FOSL2: variants seen among roughly 807,000 people sequenced by gnomAD.
The protein encoded by FOSL2 is fos-related antigen 2.
Under a neutral mutation model 27.7 loss-of-function variants are expected in FOSL2, and 3 were observed. That is an observed-to-expected ratio of 0.11 (90% confidence interval 0.05 to 0.28). The LOEUF (loss-of-function observed/expected upper bound fraction) is 0.28, where lower values mean the gene tolerates loss of function less well. Among genes scored for constraint, FOSL2 ranks in the 10% least tolerant of loss-of-function variants. The pLI is 1.00. For missense variants in FOSL2, 333 were observed against 445.1 expected (o/e 0.75, Z 2.27); for synonymous variants, 179 against 190.1 (o/e 0.94, Z 0.48).
intron 1 of FOSL2, among the ~76,000 whole-genome samples, chr2:28,398,449 A>T (rs978303209): frequency 5.3e-5 from 8 of 152,238 alleles, no homozygotes; most frequent in African/African-American, 1.9e-4. Context: ...CCCATGGAGT[A>T]CAGAGCCGCC....
In FOSL2 at chr2:28,404,256, C is replaced by T; in HGVS notation, c.252C>T (p.Pro84=). The change falls in exon 2 of 4, where the codon CCC becomes CCT. Residue 84 remains proline, a synonymous_variant. Transcript: ENST00000264716. The surrounding 1 kb of genome is among the most constrained non-coding windows in gnomAD (Gnocchi z 4.7). ...NPYPRSHPYS[P]LPGLASVPGH... is the part of the protein sequence containing the mutation. ...ACCCTCGCTCGCACCCCTACAGCCC[C>T]CTGCCGGGCCTGGCCTCTGTCCCTG... is the stretch of plus-strand genomic sequence containing the variant. The T allele has an allele frequency of 6.2e-7, 1 of 1,614,208 alleles. No individual in the cohort carries two copies. Among genetic ancestry groups the T allele is most frequent in the Non-Finnish European group, 8.5e-7 (1 of 1,180,044 alleles).
rs760625918 is a variant in FOSL2 at position 28,408,828 on chromosome 2, C to A, written c.424C>A (p.Arg142=). ...GAACAAGCTGGCTGCAGCCAAGTGC[C>A]GGAACCGACGCCGGGAGCTGACAGA... ...ERNKLAAAKC[R]NRRRELTEKL... is the part of the protein sequence containing the mutation. The change falls in exon 3 of 4, where the codon CGG becomes AGG. Residue 142 remains arginine (R), a synonymous_variant. Coordinates refer to ENST00000264716, the MANE Select transcript of FOSL2 (RefSeq NM_005253.4). The surrounding 1 kb of genome is among the most constrained non-coding windows in gnomAD (Gnocchi z 4.1). 6.2e-7 allele frequency: 1 copy of A among 1,611,444 alleles called. No homozygotes were observed. The highest frequency in any genetic ancestry group is 8.5e-7 in the Non-Finnish European group (1 of 1,178,920).
chr2:28,411,330 C>T (rs1664194200), intron 3 of FOSL2, among the ~76,000 whole-genome samples: 1 of 152,140 alleles, frequency 6.6e-6, no homozygotes, highest in East Asian at 1.9e-4. Context: ...GTTTATCCAT[C>T]CACAGGTGGG....
chr2:28,406,042 CCCTTTTTTT>C (rs1331320187), intron 2 of FOSL2, among the ~76,000 whole-genome samples: 2 of 148,342 alleles, frequency 1.3e-5, no homozygotes, highest in African/African-American at 5.0e-5. Context: ...GCTCTCCATT[CCCTTTTTTT>C]TTTTTTTTTT....
At chr2:28,397,937 C>T (rs2148078810) in intron 1 of FOSL2, among the ~76,000 whole-genome samples, 1 of 152,316 alleles carries the variant, frequency 6.6e-6, no homozygotes, top group African/African-American at 2.4e-5. Context: ...ACATACAAGT[C>T]TGGATGATCA....
Position 28,404,245 on chromosome 2 carries a change from C to T in FOSL2, c.241C>T (p.Pro81Ser). ...SMSNPYPRSH[P>S]YSPLPGLASV... ...GTCCAACCCATACCCTCGCTCGCAC[C>T]CCTACAGCCCCCTGCCGGGCCTGGC... The change falls in exon 2 of 4, where the codon CCC becomes TCC. Residue 81 changes from proline (P) to serine (S), a missense_variant. This residue lies in a region of FOSL2 where 131 missense variants were observed against 157.9 expected (regional missense o/e 0.83). Coordinates refer to ENST00000264716, the MANE Select transcript of FOSL2 (RefSeq NM_005253.4). The surrounding 1 kb of genome is among the most constrained non-coding windows in gnomAD (Gnocchi z 4.7). The T allele has an allele frequency of 6.2e-7, 1 of 1,614,196 alleles. No homozygotes were observed. The highest frequency in any genetic ancestry group is 8.5e-7 in the Non-Finnish European group (1 of 1,180,038).
At chr2:28,401,960 C>T (rs571519108) in intron 1 of FOSL2, among the ~76,000 whole-genome samples, 14 of 151,566 alleles carry the variant, frequency 9.2e-5, no homozygotes, top group Non-Finnish European at 1.3e-4. Context: ...TGCATTGCAC[C>T]GGATAACTTT....
At position 28,411,962 on chromosome 2, in the gene FOSL2, C is replaced by T. The variant is rs566344724; in HGVS notation, c.495C>T (p.Gly165=). ...AGGAGCTGGAGGAGGAGAAGTCAGGCCTGCAGAAGGAGATTGCTGAGCTGC... is the reference window on the plus strand; with the variant it reads ...AGGAGCTGGAGGAGGAGAAGTCAGGTCTGCAGAAGGAGATTGCTGAGCTGC... ...ETEELEEEKS[G]LQKEIAELQK... is the part of the protein sequence containing the mutation. The change falls in exon 4 of 4, where the codon GGC becomes GGT. Residue 165 remains glycine, a synonymous_variant. Coordinates refer to ENST00000264716, the MANE Select transcript of FOSL2 (RefSeq NM_005253.4). 5.0e-6 allele frequency: 8 copies of T among 1,614,158 alleles called. No homozygotes were observed. The highest frequency in any genetic ancestry group is 6.8e-6 in the Non-Finnish European group (8 of 1,180,026).
In FOSL2 at chr2:28,404,490, A is replaced by G; in HGVS notation, c.354+132A>G. On this transcript the variant is annotated intron_variant, in intron 2 of 3. Transcript: ENST00000264716. This position sits in a 1 kb window ranked among gnomAD's most constrained non-coding sequence, Gnocchi z 4.7. ...GAGACAAGGGAGCTAGGGGTCGAAG[A>G]GCACGTCATCCCCCTTACTGGAGGC... 8.7e-7 allele frequency: 1 copy of G among 1,147,798 alleles called. No individual in the cohort carries two copies. The highest frequency in any genetic ancestry group is 1.2e-6 in the Non-Finnish European group (1 of 819,146). 71.1% of individuals were successfully genotyped at this position (1,147,798 alleles called of 1,614,324 possible).
intron 1 of FOSL2, among the ~76,000 whole-genome samples, chr2:28,401,152 A>G (rs1663963182): frequency 6.6e-6 from 1 of 151,556 alleles, no homozygotes. Context: ...ACATCTAATG[A>G]TGATGGTGGT....
intron 1 of FOSL2, among the ~76,000 whole-genome samples, chr2:28,401,438 G>A (rs1041284351): frequency 6.6e-6 from 1 of 152,160 alleles, no homozygotes; most frequent in Non-Finnish European, 1.5e-5. Context: ...GCAGTGCAGT[G>A]AGTTTGATGA....
chr2:28,394,310 G>A (rs1663760504), intron 1 of FOSL2, among the ~76,000 whole-genome samples: 1 of 152,120 alleles, frequency 6.6e-6, no homozygotes, highest in African/African-American at 2.4e-5. Context: ...AAGGGGTTGG[G>A]GACCCAGAAA....
chr2:28,411,887 C>T (rs1227935763), intron 3 of FOSL2, 43 bp from the exon 4 acceptor site: 1 of 1,610,406 alleles, frequency 6.2e-7, no homozygotes, highest in Non-Finnish European at 8.5e-7. Flanking sequence ...AGATTGGTCC[C>T]TGGCAGGTTG....
chr2:28,413,392 C>G lies in FOSL2; in HGVS notation c.*944C>G, dbSNP rs1274849476. The stretch of plus-strand genomic sequence containing the variant: ...TTCTCTCCGGACCAGGGAGGCGTCC[C>G]TCCCTAGGAGCCACACATTATACTC... On this transcript the variant is annotated 3_prime_UTR_variant, in exon 4 of 4. Transcript: ENST00000264716. 1 of 397,860 alleles carries G rather than the reference C, an allele frequency of 2.5e-6. No individual in the cohort carries two copies. The highest frequency in any genetic ancestry group is 2.1e-5 in the African/African-American group (1 of 48,626). 24.6% of individuals were successfully genotyped at this position (397,860 alleles called of 1,614,324 possible).
At chr2:28,410,430 CT>C in intron 3 of FOSL2, 2 of 438,526 alleles carry the variant, frequency 4.6e-6, no homozygotes, top group Non-Finnish European at 6.1e-6. Flanking sequence ...CTCCCCCGCC[CT>C]CTGACCCAGC....
chr2:28,411,242 C>G (rs1199916909), intron 3 of FOSL2, among the ~76,000 whole-genome samples: 1 of 152,080 alleles, frequency 6.6e-6, no homozygotes. Context: ...TTCTGAGAAG[C>G]CAGGCACTGT....
intron 3 of FOSL2, among the ~76,000 whole-genome samples, chr2:28,409,974 C>T (rs1038969598): frequency 2.6e-5 from 4 of 152,206 alleles, no homozygotes; most frequent in African/African-American, 4.8e-5. Flanking sequence ...CTCCTGACCT[C>T]GGGTGATCTG....
chr2:28,397,812 T>C (rs1360843926), intron 1 of FOSL2, among the ~76,000 whole-genome samples: 20 of 152,368 alleles, frequency 1.3e-4, no homozygotes, highest in Non-Finnish European at 5.9e-5. Context: ...CCCCCTCTTT[T>C]GCAGTTGCTT....
rs1664029800 is a variant in FOSL2, at chr2:28,404,140, G to A, written c.136G>A (p.Ala46Thr). Residue 46 changes from alanine to threonine, a missense_variant, in exon 2 of 4, where the codon GCA (alanine) becomes ACA (threonine). Coordinates refer to ENST00000264716, the MANE Select transcript of FOSL2 (RefSeq NM_005253.4). This position sits in a 1 kb window ranked among gnomAD's most constrained non-coding sequence, Gnocchi z 4.7. ...GGTAGATATGCCTGGCTCAGGCAGT[G>A]CATTCATCCCCACCATCAACGCCAT... ...FRVDMPGSGS[A>T]FIPTINAITT... 1 of 1,614,122 alleles carries A rather than the reference G, an allele frequency of 6.2e-7. No homozygotes were observed. The highest frequency in any genetic ancestry group is 8.5e-7 in the Non-Finnish European group (1 of 1,179,976).
Sources: gnomAD v4.1 joint callset for allele counts (sites outside exome capture counted in the v4.1 genomes callset) on GRCh38, gnomAD v4.1.1 for gene constraint, gnomAD v4.1.1 regional missense constraint, Gnocchi (gnomAD v3.1) non-coding constraint, MANE v1.5 for transcripts, NCBI Gene and HGNC (gene_info 2026-07-23, HGNC 2026-07-21) for gene names.